LPP: variants seen among roughly 807,000 people sequenced by gnomAD.
LPP encodes lipoma-preferred partner.
In LPP, 38 loss-of-function variants were observed where a neutral mutation model predicts 60.4. That is an observed-to-expected ratio of 0.63 (90% CI 0.49 to 0.83). LPP has a LOEUF of 0.83. Ranked by LOEUF, LPP falls within the 40% of genes least tolerant of loss-of-function variation. The pLI is 0.00. For missense variants in LPP, 902 were observed against 783.6 expected, an observed-to-expected ratio of 1.15 and a Z score of -1.80; for synonymous variants, 328 against 290.8, an observed-to-expected ratio of 1.13 and a Z score of -1.30.
rs1369758751 is a variant in LPP at position 188,879,029 on chromosome 3, T to C, written c.*4550T>C. On this transcript the variant is annotated 3_prime_UTR_variant, in exon 12 of 12. Transcript: ENST00000617246. ...ATATTTTTTAATTGTCTTCATTGTA[T>C]TTGCTTAATAGTGGTCCAGACAAGT... 4.4e-6 allele frequency: 1 copy of C among 228,432 alleles called. No individual in the cohort carries two copies. Among genetic ancestry groups the C allele is most frequent in the East Asian group, 6.3e-5 (1 of 15,968 alleles). The allele number at this position is 228,432 out of a possible 1,614,324, so 14.2% of individuals were successfully genotyped here.
At chr3:188,379,055 C>T (rs912522256) in intron 3 of LPP, among the ~76,000 whole-genome samples, 4 of 151,902 alleles carry the variant, frequency 2.6e-5, no homozygotes, top group African/African-American at 9.7e-5. Flanking sequence ...CCTGCCCTCC[C>T]CACTAGCCAG....
At chr3:188,760,789 C>T (rs1233715891) in intron 9 of LPP, among the ~76,000 whole-genome samples, 1 of 152,126 alleles carries the variant, frequency 6.6e-6, no homozygotes, top group Admixed American at 6.5e-5. Flanking sequence ...CCCCTCTTAT[C>T]CAACAGGTTT....
chr3:188,431,192 G>T (rs929237671), intron 4 of LPP, among the ~76,000 whole-genome samples: 12 of 152,114 alleles, frequency 7.9e-5, no homozygotes, highest in Non-Finnish European at 1.8e-4. Flanking sequence ...CTGAGAAACT[G>T]TGCCTATTTT....
intron 8 of LPP, among the ~76,000 whole-genome samples, chr3:188,755,881 C>T (rs200911018): frequency 7.3e-6 from 1 of 136,308 alleles, no homozygotes; most frequent in Non-Finnish European, 1.6e-5. Context: ...AAAAGAAAAC[C>T]CATATCACGC....
intron 9 of LPP, among the ~76,000 whole-genome samples, chr3:188,810,142 T>A (rs1750466149): frequency 6.6e-6 from 1 of 152,128 alleles, no homozygotes; most frequent in South Asian, 2.1e-4. Flanking sequence ...GCCCAAAGAT[T>A]CTGTGTTTTA....
chr3:188,750,561 A>T (rs1727739068), intron 8 of LPP, among the ~76,000 whole-genome samples: 1 of 152,144 alleles, frequency 6.6e-6, no homozygotes, highest in African/African-American at 2.4e-5. Context: ...TGAACCTGGG[A>T]GGCAGAGGTT....
At chr3:188,458,924 A>G (rs1306699002) in intron 4 of LPP, among the ~76,000 whole-genome samples, 7 of 148,912 alleles carry the variant, frequency 4.7e-5, no homozygotes, top group Admixed American at 1.3e-4. Flanking sequence ...TAGGAATGTT[A>G]TTGGGTAAGG....
chr3:188,619,608 A>C (rs992469673), intron 7 of LPP, among the ~76,000 whole-genome samples: 1 of 152,342 alleles, frequency 6.6e-6, no homozygotes, highest in East Asian at 1.9e-4. Context: ...CTCTCACACT[A>C]TAACAGCAGA....
At chr3:188,747,116 C>A (rs1262088564) in intron 8 of LPP, among the ~76,000 whole-genome samples, 1 of 152,170 alleles carries the variant, frequency 6.6e-6, no homozygotes, top group East Asian at 1.9e-4. Context: ...TACATGGCTT[C>A]CTAGGCAATG....
intron 4 of LPP, among the ~76,000 whole-genome samples, chr3:188,446,245 T>C (rs576647686): frequency 3.9e-4 from 60 of 152,280 alleles, no homozygotes; most frequent in South Asian, 3.5e-3. Context: ...CCAGCTTCAT[T>C]TTGCCACTCC....
intron 7 of LPP, among the ~76,000 whole-genome samples, chr3:188,693,462 T>G (rs1862540918): frequency 6.6e-6 from 1 of 152,158 alleles, no homozygotes; most frequent in Non-Finnish European, 1.5e-5. Flanking sequence ...TGTTTCTCTC[T>G]GAAAGGCATG....
At chr3:188,388,965 G>A (rs1452983705) in intron 3 of LPP, among the ~76,000 whole-genome samples, 3 of 152,076 alleles carry the variant, frequency 2.0e-5, no homozygotes, top group Non-Finnish European at 4.4e-5. Flanking sequence ...AGGTTTATAG[G>A]AAGAGTCATA....
intron 6 of LPP, among the ~76,000 whole-genome samples, chr3:188,598,918 A>AAT: frequency 6.6e-6 from 1 of 152,164 alleles, no homozygotes; most frequent in Non-Finnish European, 1.5e-5. Flanking sequence ...TTGAACTCAC[A>AAT]GTATTTTTCA....
At position 188,708,703 on chromosome 3, in the gene LPP, C is replaced by T. The variant is rs1577129468; in HGVS notation, c.1240+310C>T. ...GGAGACCCTGTCTCCATTAAAAATA[C>T]AAAAATTAGCTGAGTGTGGTGGCAT... is the stretch of plus-strand genomic sequence containing the variant. On this transcript the variant is annotated intron_variant, in intron 8 of 11. Coordinates refer to ENST00000617246, the MANE Select transcript of LPP (RefSeq NM_001375462.1). 3 of 443,246 alleles carry T rather than the reference C, an allele frequency of 6.8e-6. No individual in the cohort carries two copies. In the East Asian group the frequency reaches 1.0e-4, roughly 15 times the overall value. The allele number at this position is 443,246 out of a possible 1,614,324, so 27.5% of individuals were successfully genotyped here.
At chr3:188,784,174 A>G (rs1488869077) in intron 9 of LPP, among the ~76,000 whole-genome samples, 2 of 151,500 alleles carry the variant, frequency 1.3e-5, no homozygotes, top group Non-Finnish European at 2.9e-5. Context: ...AAAATATGAT[A>G]TTTGGTTTTC....
At chr3:188,215,731 G>T (rs1458576809) in intron 1 of LPP, among the ~76,000 whole-genome samples, 1 of 152,168 alleles carries the variant, frequency 6.6e-6, no homozygotes. Context: ...ACTTCAAAGG[G>T]TTAATTAAGT....
intron 5 of LPP, among the ~76,000 whole-genome samples, chr3:188,522,815 A>ATATG (rs796830660): frequency 6.2e-4 from 85 of 136,520 alleles, no homozygotes; most frequent in African/African-American, 1.5e-3. Flanking sequence ...ATATATATAT[A>ATATG]TGTGTATGTG....
At chr3:188,665,300 A>G (rs1471126478) in intron 7 of LPP, among the ~76,000 whole-genome samples, 1 of 152,200 alleles carries the variant, frequency 6.6e-6, no homozygotes, top group Non-Finnish European at 1.5e-5. Context: ...TAAAATTGTC[A>G]CAAAATCTAA....
chr3:188,804,246 TATATATATATATATATA>T (rs1560226942), intron 9 of LPP, among the ~76,000 whole-genome samples: 4 of 55,628 alleles, frequency 7.2e-5, no homozygotes, highest in African/African-American at 2.6e-4. Flanking sequence ...TGCATCTTTA[TATATATATATATATATA>T]TATATATATA....
Sources: allele counts gnomAD v4.1 joint callset (sites outside exome capture counted in the v4.1 genomes callset), GRCh38; gene constraint gnomAD v4.1.1; transcripts MANE v1.5; gene names NCBI Gene and HGNC (gene_info 2026-07-23, HGNC 2026-07-21).